The following CARMIL3 variants were observed in gnomAD, a reference collection of about 807,000 sequenced individuals.
CARMIL3 encodes capping protein, Arp2/3 and myosin-I linker protein 3.
A neutral mutation model predicts 180.8 loss-of-function variants in CARMIL3; 88 were observed. That is an observed-to-expected ratio of 0.49 (90% CI 0.41 to 0.58). The LOEUF (loss-of-function observed/expected upper bound fraction) is 0.58. Ranked by LOEUF, CARMIL3 falls within the 20% of genes least tolerant of loss-of-function variation. CARMIL3 has a pLI of 0.00. For missense variants in CARMIL3, 1,548 were observed against 1,787.0 expected (o/e 0.87, Z 2.41); for synonymous variants, 696 against 714.5 (o/e 0.97, Z 0.41).
At chr14:24,060,401 A>T (rs1464310520) in intron 24 of CARMIL3, 146 bp downstream of exon 24, 3 of 1,111,256 alleles carry the variant, frequency 2.7e-6, no homozygotes, top group Admixed American at 4.2e-5. Flanking sequence ...AAAAGAGAGG[A>T]CATGCAGGAT....
rs2035839984 is a variant in CARMIL3 at position 24,069,473 on chromosome 14, C to T, written c.*69C>T. 3.1e-6 allele frequency: 5 copies of T among 1,601,404 alleles called. No individual in the cohort carries two copies. The highest frequency in any genetic ancestry group is 3.4e-6 in the Non-Finnish European group (4 of 1,170,880). On this transcript the variant is annotated 3_prime_UTR_variant, in exon 40 of 40. Coordinates refer to ENST00000342740, the MANE Select transcript of CARMIL3 (RefSeq NM_138360.4). ...AAGGACTCAGACCCCTATCCACCCC[C>T]AGTCCCCAGGGCCCCCTGCCAGCCC... is the stretch of plus-strand genomic sequence containing the variant.
In CARMIL3 at chr14:24,059,991, G is replaced by A; in HGVS notation, c.1890G>A (p.Met630Ile). The change falls in exon 23 of 40, where the codon ATG (methionine) becomes ATA (isoleucine). Residue 630 changes from methionine (M) to isoleucine (I), a missense_variant. This residue lies in a region of CARMIL3 where 297 missense variants were observed against 415.9 expected (regional missense o/e 0.71). Transcript: ENST00000342740. The surrounding 1 kb of genome is among the most constrained non-coding windows in gnomAD (Gnocchi z 6.3). Reference protein sequence around the residue: ...ALESNHTLRFMSFPVSDISQA... With the variant: ...ALESNHTLRFISFPVSDISQA... The stretch of plus-strand genomic sequence containing the variant: ...ACAGCAACCACACGCTGCGCTTCAT[G>A]TCCTTCCCCGTGAGCGACATCTCCC... The A allele has an allele frequency of 1.9e-6, 3 of 1,613,990 alleles. No homozygotes were observed. Among genetic ancestry groups the A allele is most frequent in the Non-Finnish European group, 1.7e-6 (2 of 1,180,020 alleles).
At position 24,062,581 on chromosome 14, in the gene CARMIL3, T is replaced by C. The variant is rs781092760; in HGVS notation, c.2568+14T>C. On this transcript the variant is annotated intron_variant, in intron 28 of 39. Coordinates refer to ENST00000342740, the MANE Select transcript of CARMIL3 (RefSeq NM_138360.4). Reference sequence around the variant, plus strand: ...CACAAGAGCCTGGTAAGGCTTCTTCTGCAGCCTGGCCTGGCTCGGGCACGC... The same window carrying C: ...CACAAGAGCCTGGTAAGGCTTCTTCCGCAGCCTGGCCTGGCTCGGGCACGC... 3 of 1,613,610 alleles carry C rather than the reference T, an allele frequency of 1.9e-6. No individual in the cohort carries two copies. The highest frequency in any genetic ancestry group is 4.5e-5 in the East Asian group (2 of 44,884).
intron 14 of CARMIL3, 113 bp downstream of exon 14, chr14:24,057,357 CT>C (rs1457805854): frequency 2.1e-6 from 2 of 940,296 alleles, no homozygotes; most frequent in Non-Finnish European, 3.4e-6. Flanking sequence ...GTCTAGATGA[CT>C]TCAGGTTCAG....
At chr14:24,069,002 C>T in intron 38 of CARMIL3, 36 bp downstream of exon 38, 1 of 1,543,906 alleles carries the variant, frequency 6.5e-7, no homozygotes, top group Non-Finnish European at 8.8e-7. Flanking sequence ...GCTCAGGGCA[C>T]CTCTAGGACT....
rs1030880250 is a variant in CARMIL3, at chr14:24,060,667, C to G, written c.2101C>G (p.Arg701Gly). 2 of 1,613,956 alleles carry G rather than the reference C, an allele frequency of 1.2e-6. No individual in the cohort carries two copies. The highest frequency in any genetic ancestry group is 1.3e-5 in the African/African-American group (1 of 75,014). ...RLCGRVQEEVRALRLCPLEPV... is the reference protein window; with the variant it reads ...RLCGRVQEEVGALRLCPLEPV... ...GTGTGGACGAGTGCAGGAGGAGGTG[C>G]GGGCCCTGAGACTATGCCCCCTGGA... Residue 701 changes from arginine (R) to glycine (G), a missense_variant, in exon 25 of 40, where the codon CGG becomes GGG. Transcript: ENST00000342740.
In CARMIL3 at chr14:24,061,402, C is replaced by A; in HGVS notation, c.2305-95C>A. On this transcript the variant is annotated intron_variant, in intron 26 of 39. Transcript: ENST00000342740. The surrounding 1 kb of genome is among the most constrained non-coding windows in gnomAD (Gnocchi z 4.1). ...ACTTAGGCAGGTCCCTCAGTCTCAGCAGGAGGGGCTGGAATAGATAAAGTC... is the reference window on the plus strand; with the variant it reads ...ACTTAGGCAGGTCCCTCAGTCTCAGAAGGAGGGGCTGGAATAGATAAAGTC... 7.7e-7 allele frequency: 1 copy of A among 1,305,520 alleles called. No individual in the cohort carries two copies. The highest frequency in any genetic ancestry group is 1.0e-6 in the Non-Finnish European group (1 of 952,698). 80.9% of individuals were successfully genotyped at this position (1,305,520 alleles called of 1,614,324 possible).
chr14:24,052,221 G>T, intron 1 of CARMIL3, 28 bp downstream of exon 1: 2 of 1,568,366 alleles, frequency 1.3e-6, no homozygotes, highest in Non-Finnish European at 1.7e-6. Flanking sequence ...TCTCTGGGAC[G>T]CCCCGTCCGG....
At chr14:24,064,874 C>A in intron 32 of CARMIL3, 84 bp from the exon 33 acceptor site, 1 of 1,392,884 alleles carries the variant, frequency 7.2e-7, no homozygotes, top group Non-Finnish European at 9.9e-7. Context: ...CAGGGGAGAC[C>A]AGATGAGAGG....
Position 24,060,913 on chromosome 14 carries a change from C to G in CARMIL3, c.2191-14C>G. The G allele has an allele frequency of 6.4e-7, 1 of 1,550,806 alleles. No individual in the cohort carries two copies. Among genetic ancestry groups the G allele is most frequent in the Admixed American group, 2.0e-5 (1 of 50,974 alleles). On this transcript the variant is annotated splice_polypyrimidine_tract_variant and intron_variant, in intron 25 of 39. Transcript: ENST00000342740. Reference sequence around the variant, plus strand: ...TGGTTCTGGCCTGCTAATCATAACCCCTTCCTTCTCCAGCTGTTTCCCAGC... The same window carrying G: ...TGGTTCTGGCCTGCTAATCATAACCGCTTCCTTCTCCAGCTGTTTCCCAGC...
At chr14:24,066,365 A>T in intron 34 of CARMIL3, 33 bp from the exon 35 acceptor site, 1 of 1,609,408 alleles carries the variant, frequency 6.2e-7, no homozygotes, top group African/African-American at 1.3e-5. Context: ...CACAGAGGAG[A>T]CTTTCTTACA....
At chr14:24,065,375 G>A in intron 33 of CARMIL3, 102 bp downstream of exon 33, 7 of 1,210,940 alleles carry the variant, frequency 5.8e-6, no homozygotes, top group Non-Finnish European at 7.9e-6. Context: ...CTAGGACCCA[G>A]GGTTCTTGGG....
chr14:24,058,213 A>T lies in CARMIL3; in HGVS notation c.1381A>T (p.Ser461Cys). ...CCTCAGTGACCTGCACCTGGATCTC[A>T]GCAGCTGCGAGGTGAGCCCTCAGTC... The part of the protein sequence containing the change: ...SHLSDLHLDL[S>C]SCELRSAGAQ... Residue 461 changes from serine to cysteine, a missense_variant, in exon 17 of 40, where the codon AGC becomes TGC. Physicochemically the swap from Ser to Cys is moderately radical, Grantham distance 112. Coordinates refer to ENST00000342740, the MANE Select transcript of CARMIL3 (RefSeq NM_138360.4). This position sits in a 1 kb window ranked among gnomAD's most constrained non-coding sequence, Gnocchi z 6.4. The T allele has an allele frequency of 3.1e-6, 5 of 1,612,042 alleles. No homozygotes were observed. The highest frequency in any genetic ancestry group is 4.2e-6 in the Non-Finnish European group (5 of 1,178,560).
chr14:24,063,949 C>G (rs1020688059), intron 31 of CARMIL3, among the ~76,000 whole-genome samples: 5 of 151,718 alleles, frequency 3.3e-5, no homozygotes, highest in African/African-American at 1.2e-4. Context: ...CAAAAATTAG[C>G]CGGGCGTGGT....
rs2035736044 is a variant in CARMIL3, at chr14:24,061,751, A to G, written c.2480+79A>G. On this transcript the variant is annotated intron_variant, in intron 27 of 39. Transcript: ENST00000342740. The surrounding 1 kb of genome is among the most constrained non-coding windows in gnomAD (Gnocchi z 4.1). ...AGGGACTTAGGACTGGAGAGCTATC[A>G]GCAATGAATAATGAATGGCACAATC... is the stretch of plus-strand genomic sequence containing the variant. The G allele has an allele frequency of 7.0e-7, 1 of 1,421,140 alleles. No homozygotes were observed. The highest frequency in any genetic ancestry group is 2.0e-5 in the Admixed American group (1 of 49,368). 88.0% of individuals were successfully genotyped at this position (1,421,140 alleles called of 1,614,324 possible).
At chr14:24,063,598 C>T (rs868615384) in intron 31 of CARMIL3, 65 bp downstream of exon 31, 1 of 1,465,320 alleles carries the variant, frequency 6.8e-7, no homozygotes. Flanking sequence ...AGGAGTTTTA[C>T]CTTTAGGACC....
At chr14:24,068,744 G>T in intron 37 of CARMIL3, 42 bp downstream of exon 37, 2 of 1,613,698 alleles carry the variant, frequency 1.2e-6, no homozygotes, top group Non-Finnish European at 1.7e-6. Context: ...CTTTGATGAG[G>T]CAAAGGGACT....
chr14:24,052,684 T>A (rs558287418), intron 1 of CARMIL3, among the ~76,000 whole-genome samples: 75 of 152,246 alleles, frequency 4.9e-4, no homozygotes, highest in African/African-American at 1.8e-3. Context: ...CCCAGGCCAG[T>A]GGGGCAAAGA....
rs754486969 is a variant in CARMIL3, at chr14:24,060,631, C to A, written c.2065C>A (p.Leu689Met). 1.9e-6 allele frequency: 3 copies of A among 1,613,774 alleles called. No individual in the cohort carries two copies. Among genetic ancestry groups the A allele is most frequent in the Non-Finnish European group, 2.5e-6 (3 of 1,179,882 alleles). Reference protein sequence around the residue: ...GLVTSSAEQMLQRLCGRVQEE... With the variant: ...GLVTSSAEQMMQRLCGRVQEE... The stretch of plus-strand genomic sequence containing the variant: ...CACCCCTGCCACTGTGCTCCAGATG[C>A]TGCAGCGGCTGTGTGGACGAGTGCA... The change falls in exon 25 of 40, where the codon CTG (leucine) becomes ATG (methionine). Residue 689 changes from leucine (L) to methionine (M), a missense_variant. Physicochemically the swap from Leu to Met is conservative, Grantham distance 15 (BLOSUM62 2). Around this residue, in one of 4 missense-constraint regions of CARMIL3, gnomAD observed 297 missense variants for 415.9 expected, o/e 0.71. Transcript: ENST00000342740.
Sources: gnomAD v4.1 joint callset for allele counts (sites outside exome capture counted in the v4.1 genomes callset) on GRCh38, gnomAD v4.1.1 for gene constraint, gnomAD v4.1.1 regional missense constraint, Gnocchi (gnomAD v3.1) non-coding constraint, MANE v1.5 for transcripts, NCBI Gene and HGNC (gene_info 2026-07-23, HGNC 2026-07-21) for gene names.